The following SUSD4 variants were observed in gnomAD, a reference collection of about 807,000 sequenced individuals.
The protein encoded by SUSD4 is sushi domain-containing protein 4.
A neutral mutation model predicts 50.5 loss-of-function variants in SUSD4; 41 were observed. The observed-to-expected ratio is 0.81, with a 90% confidence interval of 0.63 to 1.05. SUSD4 has a LOEUF of 1.05. Among genes scored for constraint, SUSD4 ranks in the 50% least tolerant of loss-of-function variants. The probability of loss-of-function intolerance (pLI) is 0.00; values close to 1 mark genes in which losing one functional copy is unlikely to be tolerated. For missense variants in SUSD4, 580 were observed against 634.7 expected (o/e 0.91, Z 0.93); for synonymous variants, 257 against 257.3 (o/e 1.00, Z 0.01).
intron 2 of SUSD4, among the ~76,000 whole-genome samples, chr1:223,338,389 C>A (rs1667571577): frequency 6.6e-6 from 1 of 152,128 alleles, no homozygotes; most frequent in African/African-American, 2.4e-5. Context: ...ATGAAAGAAA[C>A]AAAATGGGGG....
intron 2 of SUSD4, chr1:223,359,168 C>T: frequency 2.1e-6 from 1 of 470,836 alleles, no homozygotes; most frequent in Non-Finnish European, 4.4e-6. Flanking sequence ...TGATATTTTG[C>T]TCCTGCTCTC....
intron 2 of SUSD4, among the ~76,000 whole-genome samples, chr1:223,341,726 T>A (rs1667770199): frequency 6.6e-6 from 1 of 151,838 alleles, no homozygotes; most frequent in Admixed American, 6.6e-5. Context: ...TGCTCCCAAC[T>A]CCCCCTTCCC....
In SUSD4 at chr1:223,225,288, C is replaced by T. The variant is rs753373127; in HGVS notation, c.1062-1657G>A. ...CAGACCCTGAATCTCTGAGTGCTGGCGGCAGGGGCTCTAAACCCAAGAAGA... is the reference window on the plus strand; with the variant it reads ...CAGACCCTGAATCTCTGAGTGCTGGTGGCAGGGGCTCTAAACCCAAGAAGA... On this transcript the variant is annotated intron_variant, in intron 7 of 8. Transcript: ENST00000366878. 3.5e-4 allele frequency among the ~76,000 whole-genome samples: 53 copies of T among 152,192 alleles called. 1 individual carries two copies. The highest frequency in any genetic ancestry group is 3.4e-3 in the Middle Eastern group (1 of 294).
Position 223,305,567 on chromosome 1 carries a change from T to C in SUSD4, c.149-12916A>G, listed in dbSNP as rs1409048108. On this transcript the variant is annotated intron_variant, in intron 2 of 8. Transcript: ENST00000366878. ...AATTCAGTGTATTGTCAGTCATATA[T>C]TTAAGAGGTGGGAGGGGAAGCTGAT... 2.6e-5 allele frequency among the ~76,000 whole-genome samples: 4 copies of C among 152,196 alleles called. No homozygotes were observed. The East Asian group carries it at 5.8e-4, about 22-fold the overall frequency.
intron 7 of SUSD4, among the ~76,000 whole-genome samples, 176 bp from the exon 8 acceptor site, chr1:223,223,807 C>G (rs1247810001): frequency 6.6e-6 from 1 of 152,222 alleles, no homozygotes; most frequent in African/African-American, 2.4e-5. Context: ...GAAGATGATG[C>G]TGCCATCCCG....
chr1:223,316,961 T>C (rs1030239768), intron 2 of SUSD4, among the ~76,000 whole-genome samples: 6 of 152,178 alleles, frequency 3.9e-5, no homozygotes, highest in Admixed American at 2.0e-4. Flanking sequence ...AGCGCAGACC[T>C]TGTAAAGGCA....
chr1:223,360,152 G>T (rs1354905757), intron 2 of SUSD4: 1 of 468,376 alleles, frequency 2.1e-6, no homozygotes, highest in South Asian at 1.6e-5. Context: ...CTATCAAGTG[G>T]CAGAGCCTGA....
intron 2 of SUSD4, among the ~76,000 whole-genome samples, chr1:223,304,829 T>C (rs1449047131): frequency 1.9e-5 from 1 of 51,638 alleles, no homozygotes; most frequent in Non-Finnish European, 4.7e-5. Flanking sequence ...TATATATATA[T>C]ATATATATAT....
intron 5 of SUSD4, among the ~76,000 whole-genome samples, chr1:223,245,409 G>C (rs1660852357): frequency 6.6e-6 from 1 of 152,010 alleles, no homozygotes; most frequent in Non-Finnish European, 1.5e-5. Flanking sequence ...CTCGGTCCAG[G>C]AAGTGCTGGA....
In SUSD4 at chr1:223,356,545, G is replaced by A. The variant is rs142743402; in HGVS notation, c.148+6733C>T. On this transcript the variant is annotated intron_variant, in intron 2 of 8. Transcript: ENST00000366878. The stretch of plus-strand genomic sequence containing the variant: ...CCCACTTCACCCTCCCAAAGTGCTG[G>A]GATTACCGGCATGAGCCACCGTGCC... Among the ~76,000 whole-genome samples, 205 of 151,730 alleles carry A rather than the reference G, an allele frequency of 1.4e-3. 1 individual carries two copies. The highest frequency in any genetic ancestry group is 4.8e-3 in the African/African-American group (197 of 41,356).
At chr1:223,325,189 A>G (rs1318409789) in intron 2 of SUSD4, among the ~76,000 whole-genome samples, 2 of 152,190 alleles carry the variant, frequency 1.3e-5, no homozygotes, top group Non-Finnish European at 2.9e-5. Flanking sequence ...AAAACTTTGC[A>G]GTGTGCTGAG....
chr1:223,364,664 C>A (rs1165858265), upstream of SUSD4, among the ~76,000 whole-genome samples: 1 of 151,284 alleles, frequency 6.6e-6, no homozygotes, highest in Admixed American at 6.6e-5. The surrounding 1 kb of genome is among the most constrained non-coding windows in gnomAD (Gnocchi z 4.5). Context: ...GCCTCTGGTG[C>A]CCCCAGCCCG....
At chr1:223,279,297 C>T (rs1426185298) in intron 3 of SUSD4, among the ~76,000 whole-genome samples, 1 of 152,040 alleles carries the variant, frequency 6.6e-6, no homozygotes, top group Non-Finnish European at 1.5e-5. Flanking sequence ...AAGTTCAAAC[C>T]CAATGCAAAG....
intron 2 of SUSD4, chr1:223,360,458 C>T (rs917934794): frequency 3.2e-5 from 8 of 248,192 alleles, no homozygotes; most frequent in South Asian, 2.8e-4. Context: ...TCTTCCTTAA[C>T]GACAAAAGAC....
intron 5 of SUSD4, among the ~76,000 whole-genome samples, chr1:223,232,038 G>A (rs1659931739): frequency 6.6e-6 from 1 of 152,210 alleles, no homozygotes; most frequent in South Asian, 2.1e-4. Context: ...AAACGTGGAG[G>A]ACGTTCTGCT....
chr1:223,330,371 T>A (rs1210544372), intron 2 of SUSD4, among the ~76,000 whole-genome samples: 1 of 152,198 alleles, frequency 6.6e-6, no homozygotes, highest in African/African-American at 2.4e-5. Context: ...TTTGGAAAAT[T>A]CCCCAGGCCT....
At chr1:223,315,466 C>T (rs1030840709) in intron 2 of SUSD4, among the ~76,000 whole-genome samples, 1 of 152,212 alleles carries the variant, frequency 6.6e-6, no homozygotes, top group Non-Finnish European at 1.5e-5. Context: ...TCCAACTGGA[C>T]CCGCGGACTC....
intron 2 of SUSD4, among the ~76,000 whole-genome samples, chr1:223,334,697 A>AT (rs1667361548): frequency 6.6e-6 from 1 of 152,212 alleles, no homozygotes; most frequent in South Asian, 2.1e-4. Flanking sequence ...ATTTTTTAAA[A>AT]TTTTTTATTT....
intron 2 of SUSD4, chr1:223,358,768 G>A (rs952213726): frequency 5.9e-5 from 10 of 169,824 alleles, no homozygotes; most frequent in Non-Finnish European, 2.6e-5. Context: ...GAGTCTCCAT[G>A]CTGCTTATAT....
Sources: allele counts gnomAD v4.1 joint callset (sites outside exome capture counted in the v4.1 genomes callset), GRCh38; gene constraint gnomAD v4.1.1; non-coding constraint Gnocchi (gnomAD v3.1); transcripts MANE v1.5; gene names NCBI Gene and HGNC (gene_info 2026-07-23, HGNC 2026-07-21).